The following UNC5D variants were observed in gnomAD, a reference collection of about 807,000 sequenced individuals.
The protein encoded by UNC5D is unc-5 netrin receptor D, also known as netrin receptor UNC5D.
A neutral mutation model predicts 105.4 loss-of-function variants in UNC5D; 39 were observed. That is an observed-to-expected ratio of 0.37 (90% CI 0.29 to 0.48). UNC5D has a LOEUF of 0.48. Among genes scored for constraint, UNC5D ranks in the 20% least tolerant of loss-of-function variants. The pLI is 0.98. For synonymous variants in UNC5D, 452 were observed against 450.4 expected, an observed-to-expected ratio of 1.00 and a Z score of -0.04; for missense variants, 991 against 1,202.4, an observed-to-expected ratio of 0.82 and a Z score of 2.60.
At chr8:35,527,438 G>A (rs1411031761) in intron 1 of UNC5D, among the ~76,000 whole-genome samples, 1 of 152,182 alleles carries the variant, frequency 6.6e-6, no homozygotes, top group Non-Finnish European at 1.5e-5. Flanking sequence ...AGTACTGGAA[G>A]ATTCTGTGTC....
In UNC5D at chr8:35,613,538, G is replaced by A. The variant is rs185729506; in HGVS notation, c.570+17881G>A. Among the ~76,000 whole-genome samples the A allele has an allele frequency of 2.1e-3, 327 of 152,228 alleles. 1 individual carries two copies. The highest frequency in any genetic ancestry group is 7.7e-3 in the African/African-American group (320 of 41,532). ...AATAAATTTATTTTTCACATAAATC[G>A]GCCAGAGCAGAGTTTGTTGTTTGCA... On this transcript the variant is annotated intron_variant, in intron 4 of 16. Coordinates refer to ENST00000404895, the MANE Select transcript of UNC5D (RefSeq NM_080872.4).
At chr8:35,312,406 G>A (rs2950898) in intron 1 of UNC5D, among the ~76,000 whole-genome samples, 54,885 of 152,004 alleles carry the variant, frequency 0.36, 10,917 homozygotes, top group Middle Eastern at 0.45. Context: ...GCATTGCTTT[G>A]CTTCTCCTTG....
At chr8:35,626,588 G>C in intron 4 of UNC5D, among the ~76,000 whole-genome samples, 1 of 152,202 alleles carries the variant, frequency 6.6e-6, no homozygotes, top group East Asian at 1.9e-4. Context: ...AAAGCTGTCT[G>C]CAAGATACGA....
chr8:35,316,456 G>A (rs1219928531), intron 1 of UNC5D, among the ~76,000 whole-genome samples: 1 of 152,120 alleles, frequency 6.6e-6, no homozygotes, highest in Non-Finnish European at 1.5e-5. Flanking sequence ...TAAATGTATA[G>A]ATGGTATTTA....
intron 3 of UNC5D, among the ~76,000 whole-genome samples, chr8:35,572,872 G>C (rs902168517): frequency 6.8e-6 from 1 of 147,426 alleles, no homozygotes; most frequent in African/African-American, 2.5e-5. Context: ...GGTGCGATCT[G>C]GGCTCACTGC....
intron 11 of UNC5D, among the ~76,000 whole-genome samples, chr8:35,731,500 G>A (rs1449340976): frequency 2.6e-5 from 4 of 150,968 alleles, no homozygotes; most frequent in East Asian, 3.9e-4. Context: ...ACTTAGAGGT[G>A]TATAGATAGA....
chr8:35,235,823 G>T lies in UNC5D; in HGVS notation c.39G>T (p.Gly13=). The T allele has an allele frequency of 8.1e-7, 1 of 1,230,270 alleles. No individual in the cohort carries two copies. Among genetic ancestry groups the T allele is most frequent in the Non-Finnish European group, 1.0e-6 (1 of 986,650 alleles). 76.2% of individuals were successfully genotyped at this position (1,230,270 alleles called of 1,614,324 possible). A position where few individuals can be genotyped will look rare whatever the true frequency, so the allele number is the denominator to read the frequency against. ...CGGCCACCGCAGGCGGCGGCGGAGG[G>T]GCGCGCCGCTGGCTCCCGTGGCTGG... ...RAAATAGGGG[G]ARRWLPWLGL... Residue 13 remains glycine (G), a synonymous_variant, in exon 1 of 17, where the codon GGG becomes GGT. Transcript: ENST00000404895.
At chr8:35,236,103 C>T (rs1802440786) in intron 1 of UNC5D, among the ~76,000 whole-genome samples, 1 of 152,218 alleles carries the variant, frequency 6.6e-6, no homozygotes. Context: ...GTGGCTGTGA[C>T]CCGGGCCCCT....
intron 1 of UNC5D, among the ~76,000 whole-genome samples, chr8:35,545,804 C>A (rs1256077750): frequency 6.6e-6 from 1 of 152,056 alleles, no homozygotes; most frequent in Non-Finnish European, 1.5e-5. Flanking sequence ...TTCATGGATC[C>A]CAACAATTTT....
At chr8:35,250,823 T>C (rs1803644016) in intron 1 of UNC5D, among the ~76,000 whole-genome samples, 1 of 151,932 alleles carries the variant, frequency 6.6e-6, no homozygotes, top group African/African-American at 2.4e-5. Flanking sequence ...CATCCCTCCT[T>C]CCCCCACTCT....
At chr8:35,701,258 A>G (rs994013682) in intron 7 of UNC5D, among the ~76,000 whole-genome samples, 15 of 152,192 alleles carry the variant, frequency 9.9e-5, no homozygotes, top group African/African-American at 3.4e-4. Flanking sequence ...AAACATATCT[A>G]TGCAGTATTC....
chr8:35,276,926 G>GCAC (rs971058268), intron 1 of UNC5D, among the ~76,000 whole-genome samples: 2 of 152,140 alleles, frequency 1.3e-5, no homozygotes, highest in African/African-American at 4.8e-5. Context: ...TATCACCCTA[G>GCAC]CACCTGGACC....
At chr8:35,512,569 A>ATATATATATATATCTCTC (rs539399345) in intron 1 of UNC5D, among the ~76,000 whole-genome samples, 2 of 64,822 alleles carry the variant, frequency 3.1e-5, no homozygotes, top group Non-Finnish European at 5.2e-5. Flanking sequence ...ATATATATAT[A>ATATATATATATATCTCTC]TCTGAATAGA....
intron 4 of UNC5D, among the ~76,000 whole-genome samples, chr8:35,682,229 C>T (rs1303487236): frequency 3.9e-5 from 6 of 152,200 alleles, no homozygotes; most frequent in Non-Finnish European, 7.3e-5. Flanking sequence ...TCTCAACGTG[C>T]TGGGATTACA....
intron 1 of UNC5D, among the ~76,000 whole-genome samples, chr8:35,389,847 A>G (rs1416570114): frequency 6.6e-6 from 1 of 152,142 alleles, no homozygotes; most frequent in Non-Finnish European, 1.5e-5. Flanking sequence ...GTTAATCTAC[A>G]TAGTCATAAT....
chr8:35,352,584 T>C (rs1420807174), intron 1 of UNC5D, among the ~76,000 whole-genome samples: 1 of 152,132 alleles, frequency 6.6e-6, no homozygotes, highest in Non-Finnish European at 1.5e-5. Flanking sequence ...TCTGTAAAGA[T>C]TTTCTCAATG....
intron 1 of UNC5D, among the ~76,000 whole-genome samples, chr8:35,238,586 T>C (rs946076029): frequency 4.6e-5 from 7 of 152,150 alleles, no homozygotes; most frequent in Admixed American, 6.5e-5. Flanking sequence ...TACTGATTTG[T>C]TTTTGTTCTT....
At chr8:35,572,275 C>CA (rs58478029) in intron 3 of UNC5D, among the ~76,000 whole-genome samples, 29,287 of 72,234 alleles carry the variant, frequency 0.41, 6,297 homozygotes, top group Non-Finnish European at 0.48. Context: ...GCGAGACTGT[C>CA]AAAAAAAAAA....
At chr8:35,455,157 T>C (rs1476327243) in intron 1 of UNC5D, among the ~76,000 whole-genome samples, 1 of 152,186 alleles carries the variant, frequency 6.6e-6, no homozygotes, top group Non-Finnish European at 1.5e-5. Flanking sequence ...TGTCTTTCTA[T>C]CTGCTTATAG....
Sources: gnomAD v4.1 joint callset for allele counts (sites outside exome capture counted in the v4.1 genomes callset) on GRCh38, gnomAD v4.1.1 for gene constraint, MANE v1.5 for transcripts, NCBI Gene and HGNC (gene_info 2026-07-23, HGNC 2026-07-21) for gene names.